The following PCDH15 variants were observed in gnomAD, a reference collection of about 807,000 sequenced individuals.
PCDH15 encodes the protein protocadherin-15.
In PCDH15, 129 loss-of-function variants were observed where a neutral mutation model predicts 178.5. The ratio of observed to expected loss-of-function variants is 0.72; its 90% CI spans 0.63 to 0.84. The LOEUF (loss-of-function observed/expected upper bound fraction) is 0.84, where lower values mean the gene tolerates loss of function less well. Among genes scored for constraint, PCDH15 ranks in the 40% least tolerant of loss-of-function variants. The pLI is 0.00. For synonymous variants in PCDH15, 800 were observed against 732.0 expected, an observed-to-expected ratio of 1.09 and a Z score of -1.50; for missense variants, 2,230 against 2,099.9, an observed-to-expected ratio of 1.06 and a Z score of -1.21.
intron 5 of PCDH15, among the ~76,000 whole-genome samples, chr10:54,361,411 T>C (rs896999727): frequency 2.0e-5 from 3 of 152,088 alleles, no homozygotes; most frequent in Non-Finnish European, 4.4e-5. Flanking sequence ...TGGATATAAT[T>C]AGAAAGCTCA....
chr10:54,672,143 T>C (rs1480038979), intron 1 of PCDH15, among the ~76,000 whole-genome samples: 2 of 151,988 alleles, frequency 1.3e-5, no homozygotes, highest in African/African-American at 2.4e-5. Flanking sequence ...TGGGATCATC[T>C]AGTTGCAAGA....
At chr10:55,182,422 A>G (rs922181034) in intron 1 of PCDH15, among the ~76,000 whole-genome samples, 2 of 151,978 alleles carry the variant, frequency 1.3e-5, no homozygotes, top group Non-Finnish European at 2.9e-5. Context: ...ACAACATATC[A>G]TAGTGGTTAA....
intron 3 of PCDH15, among the ~76,000 whole-genome samples, chr10:54,823,804 C>CA (rs555037144): frequency 1.5e-4 from 23 of 151,196 alleles, no homozygotes; most frequent in African/African-American, 2.7e-4. Flanking sequence ...GTTTATGACT[C>CA]AAAAAAAAGA....
chr10:54,111,773 AAAATACACCTTTATTATGAC>A (rs1425939821), intron 15 of PCDH15, among the ~76,000 whole-genome samples: 5 of 152,108 alleles, frequency 3.3e-5, no homozygotes, highest in African/African-American at 1.2e-4. Flanking sequence ...CCAGAACTCC[AAAATACACCTTTATTATGAC>A]ATATAATTCC....
intron 2 of PCDH15, among the ~76,000 whole-genome samples, chr10:55,343,294 G>A (rs1844652473): frequency 1.3e-5 from 2 of 152,108 alleles, no homozygotes; most frequent in East Asian, 1.9e-4. Flanking sequence ...GAAAAACAGA[G>A]ATATATGTAT....
intron 1 of PCDH15, among the ~76,000 whole-genome samples, chr10:54,780,465 T>G (rs1336276111): frequency 6.6e-6 from 1 of 152,156 alleles, no homozygotes; most frequent in Non-Finnish European, 1.5e-5. Context: ...AAACCCGAAA[T>G]ATCTCCCTTG....
intron 2 of PCDH15, among the ~76,000 whole-genome samples, chr10:54,650,938 T>C (rs1228991836): frequency 6.6e-6 from 1 of 152,008 alleles, no homozygotes; most frequent in Non-Finnish European, 1.5e-5. Context: ...ATCAAGTAGG[T>C]AGGAATTATG....
chr10:54,646,076 TCG>T (rs975027163), intron 2 of PCDH15, among the ~76,000 whole-genome samples: 1 of 152,120 alleles, frequency 6.6e-6, no homozygotes, highest in African/African-American at 2.4e-5. Flanking sequence ...ACATGTTTTA[TCG>T]CATGTTAATC....
chr10:54,532,199 C>T (rs1034786666), intron 2 of PCDH15, among the ~76,000 whole-genome samples: 2 of 152,052 alleles, frequency 1.3e-5, no homozygotes, highest in Non-Finnish European at 2.9e-5. Flanking sequence ...TAAAACCTTG[C>T]TTATTTTTAA....
At chr10:55,405,306 A>ATATATAT (rs1165251657) in intron 2 of PCDH15, among the ~76,000 whole-genome samples, 17 of 135,286 alleles carry the variant, frequency 1.3e-4, no homozygotes, top group South Asian at 2.4e-4. Context: ...ATATATATAC[A>ATATATAT]ATTTAATGTC....
intron 1 of PCDH15, among the ~76,000 whole-genome samples, chr10:55,203,078 G>T (rs897014773): frequency 1.3e-5 from 2 of 152,006 alleles, no homozygotes; most frequent in African/African-American, 4.8e-5. Flanking sequence ...GTCTTATCAT[G>T]CCCCTCTGAG....
chr10:53,833,057 A>T (rs2077104107), intron 29 of PCDH15, among the ~76,000 whole-genome samples: 1 of 152,058 alleles, frequency 6.6e-6, no homozygotes, highest in South Asian at 2.1e-4. Flanking sequence ...TACTAGAAAT[A>T]GAATAGTGAA....
intron 14 of PCDH15, among the ~76,000 whole-genome samples, chr10:54,146,011 G>C (rs1490768565): frequency 6.6e-6 from 1 of 151,936 alleles, no homozygotes; most frequent in East Asian, 1.9e-4. Context: ...ACCTGTGCCT[G>C]CATCTGAATC....
chr10:54,249,724 T>C (rs909325373), intron 8 of PCDH15, among the ~76,000 whole-genome samples: 2 of 151,894 alleles, frequency 1.3e-5, no homozygotes, highest in African/African-American at 2.4e-5. Context: ...CTGAAAATTA[T>C]GTGAATATCA....
Position 54,022,962 on chromosome 10 carries a change from A to G in PCDH15, c.2456T>C (p.Phe819Ser), listed in dbSNP as rs1171122616. 2 of 1,613,932 alleles carry G rather than the reference A, an allele frequency of 1.2e-6. No individual in the cohort carries two copies. Among genetic ancestry groups the G allele is most frequent in the South Asian group, 2.2e-5 (2 of 91,088 alleles). The change falls in exon 19 of 38, where the codon TTC becomes TCC. Residue 819 changes from phenylalanine (F) to serine (S), a missense_variant. Physicochemically the swap from Phe to Ser is radical, Grantham distance 155. Transcript: ENST00000644397. ...AAGGACAGTGTATGTTGAATTGGTGAACACAGGACTGTTATCATCAATGTC... is the reference window on the plus strand; with the variant it reads ...AAGGACAGTGTATGTTGAATTGGTGGACACAGGACTGTTATCATCAATGTC... ...VLDIDDNSPV[F>S]TNSTYTVLVE...
rs979422435 is a variant in PCDH15 at position 53,961,859 on chromosome 10, C to A, written c.2902G>T (p.Asp968Tyr). The part of the protein sequence containing the change: ...LPASRVRYRV[D>Y]DVQFPYPASI... The stretch of plus-strand genomic sequence containing the variant: ...GCAGGGTAAGGAAACTGTACATCAT[C>A]TACTCTATACCTCACACGACTTGCA... Residue 968 changes from aspartate to tyrosine, a missense_variant, in exon 22 of 38, where the codon GAT (aspartate) becomes TAT (tyrosine). Transcript: ENST00000644397. 5.0e-6 allele frequency: 8 copies of A among 1,610,106 alleles called. No homozygotes were observed. The highest frequency in any genetic ancestry group is 1.3e-5 in the African/African-American group (1 of 74,914).
At position 53,831,498 on chromosome 10, in the gene PCDH15, T is replaced by C. The variant is rs779613748; in HGVS notation, c.4019A>G (p.Asp1340Gly). ...TCCTTCCCCATAATACGGCTGAAAG[T>C]CTTTATTGATATCAAGTAGTTTGCC... ...LDGKLLDINK[D>G]FQPYYGEGGR... The change falls in exon 30 of 38, where the codon GAC becomes GGC. Residue 1340 changes from aspartate (D) to glycine (G), a missense_variant. Transcript: ENST00000644397. 6.2e-7 allele frequency: 1 copy of C among 1,614,152 alleles called. No homozygotes were observed. Among genetic ancestry groups the C allele is most frequent in the South Asian group, 1.1e-5 (1 of 91,074 alleles).
Position 54,845,403 on chromosome 10 carries a change from C to T in PCDH15, c.-29+52047G>A, listed in dbSNP as rs149077177. Reference sequence around the variant, plus strand: ...ATCCACTTCCCATTACTTGCTTCCTCGATCAAGGTTGGGTCAAACTAGAGA... The same window carrying T: ...ATCCACTTCCCATTACTTGCTTCCTTGATCAAGGTTGGGTCAAACTAGAGA... On this transcript the variant is annotated intron_variant, in intron 3 of 5. Coordinates refer to the PCDH15 transcript ENST00000458638. Among the ~76,000 whole-genome samples, 500 of 152,070 alleles carry T rather than the reference C, an allele frequency of 3.3e-3. 1 individual carries two copies. Among genetic ancestry groups the T allele is most frequent in the African/African-American group, 0.011 (475 of 41,524 alleles).
intron 3 of PCDH15, among the ~76,000 whole-genome samples, chr10:54,501,392 T>C (rs953828035): frequency 1.3e-5 from 2 of 152,126 alleles, no homozygotes; most frequent in African/African-American, 4.8e-5. Context: ...TCTCTCTAAT[T>C]TGGCATAAAC....
Sources: allele counts gnomAD v4.1 joint callset (sites outside exome capture counted in the v4.1 genomes callset), GRCh38; gene constraint gnomAD v4.1.1; transcripts MANE v1.5; gene names NCBI Gene and HGNC (gene_info 2026-07-23, HGNC 2026-07-21).